Variants in PDE1A observed in about 807,000 individuals in gnomAD.
The protein encoded by PDE1A is dual specificity calcium/calmodulin-dependent 3',5'-cyclic nucleotide phosphodiesterase 1A.
In PDE1A, 35 loss-of-function variants were observed where a neutral mutation model predicts 61.7. The observed-to-expected ratio is 0.57, with a 90% confidence interval of 0.43 to 0.75. PDE1A has a LOEUF of 0.75. PDE1A is among the 30% of genes least tolerant of loss of function. The probability of loss-of-function intolerance (pLI) is 0.00; values close to 1 mark genes in which losing one functional copy is unlikely to be tolerated. For missense variants in PDE1A, 597 were observed against 630.6 expected (o/e 0.95, Z 0.57); for synonymous variants, 232 against 213.2 (o/e 1.09, Z -0.77).
rs148682054 is a variant in PDE1A at position 182,161,330 on chromosome 2, A to G, written c.1517-14178T>C. On this transcript the variant is annotated intron_variant, in intron 13 of 13. Transcript: ENST00000409365. ...TCAGCCTTTACTGGTATCTAGTGTT[A>G]AAGTGAGGACGTTGGTTGGGGAAAA... Among the ~76,000 whole-genome samples the G allele has an allele frequency of 1.6e-3, 245 of 152,208 alleles. 1 individual carries two copies. The highest frequency in any genetic ancestry group is 2.6e-3 in the Non-Finnish European group (178 of 67,998).
intron 7 of PDE1A, among the ~76,000 whole-genome samples, chr2:182,219,007 A>T (rs1247622914): frequency 6.6e-6 from 1 of 152,102 alleles, no homozygotes; most frequent in African/African-American, 2.4e-5. Flanking sequence ...GAGTGTTGAT[A>T]CCATCCCTGT....
the PDE1A span, among the ~76,000 whole-genome samples, chr2:182,651,933 A>G: frequency 6.6e-6 from 1 of 152,218 alleles, no homozygotes; most frequent in African/African-American, 2.4e-5. Context: ...TTTTACATCT[A>G]GCACTCCACT....
intron 1 of PDE1A, among the ~76,000 whole-genome samples, chr2:182,360,040 A>G (rs891269838): frequency 2.0e-5 from 3 of 152,070 alleles, no homozygotes; most frequent in African/African-American, 7.2e-5. Flanking sequence ...CTTTCTCCCA[A>G]TGATTATTCT....
At chr2:182,321,540 A>G (rs1222216357) in intron 1 of PDE1A, among the ~76,000 whole-genome samples, 1 of 152,150 alleles carries the variant, frequency 6.6e-6, no homozygotes, top group Non-Finnish European at 1.5e-5. Flanking sequence ...GTATCCTCCT[A>G]CTATATGGAT....
chr2:182,522,256 A>C (rs1337319881), intron 2 of PDE1A: 1 of 1,601,368 alleles, frequency 6.2e-7, no homozygotes, highest in Admixed American at 1.7e-5. Flanking sequence ...GGGGAAATAA[A>C]AAGCAAAGAG....
chr2:182,193,642 C>T (rs994260541), intron 10 of PDE1A, among the ~76,000 whole-genome samples: 4 of 152,048 alleles, frequency 2.6e-5, no homozygotes, highest in East Asian at 1.9e-4. Context: ...ATTCGAAGAA[C>T]GCCACGAAAA....
the PDE1A span, among the ~76,000 whole-genome samples, chr2:182,575,319 T>C: frequency 6.6e-6 from 1 of 152,044 alleles, no homozygotes. Context: ...AGGAGTACAC[T>C]GATTTCATAC....
At chr2:182,280,535 C>T (rs1163022176) in intron 1 of PDE1A, among the ~76,000 whole-genome samples, 2 of 152,008 alleles carry the variant, frequency 1.3e-5, no homozygotes, top group African/African-American at 4.8e-5. Context: ...GATAGTCTGA[C>T]AGAATATTCT....
chr2:182,483,475 A>T lies in PDE1A; in HGVS notation c.101+38801T>A, dbSNP rs547424977. Among the ~76,000 whole-genome samples the T allele has an allele frequency of 3.3e-5, 5 of 152,000 alleles. No individual in the cohort carries two copies. In the East Asian group the frequency reaches 9.7e-4, roughly 29 times the overall value. On this transcript the variant is annotated intron_variant, in intron 2 of 14. Coordinates refer to the PDE1A transcript ENST00000410103. ...GGTATTGTCCACAACCACAACAATA[A>T]TCAATTAGAAACTGACAACATAAAG...
exon 3 of PDE1A, chr2:182,240,186 T>C: frequency 6.2e-7 from 1 of 1,614,000 alleles, no homozygotes; most frequent in Admixed American, 1.7e-5. Flanking sequence ...TTCTTTTTTG[T>C]CATCCCCATT....
chr2:182,567,495 A>C, the PDE1A span, among the ~76,000 whole-genome samples: 1 of 152,192 alleles, frequency 6.6e-6, no homozygotes, highest in Non-Finnish European at 1.5e-5. Context: ...AATACCACCA[A>C]ATTGGGAAAC....
chr2:182,688,313 G>C, the PDE1A span, among the ~76,000 whole-genome samples: 1 of 152,182 alleles, frequency 6.6e-6, no homozygotes, highest in Non-Finnish European at 1.5e-5. Flanking sequence ...AAGCCCATCA[G>C]ACTAACAGCT....
At chr2:182,650,970 T>A in the PDE1A span, among the ~76,000 whole-genome samples, 19 of 151,848 alleles carry the variant, frequency 1.3e-4, no homozygotes, top group Non-Finnish European at 1.5e-4. Flanking sequence ...CCCTCTAGAG[T>A]CTTATTTGTG....
intron 1 of PDE1A, among the ~76,000 whole-genome samples, chr2:182,342,262 T>C (rs1698234346): frequency 6.6e-6 from 1 of 152,196 alleles, no homozygotes; most frequent in Non-Finnish European, 1.5e-5. Flanking sequence ...TTTGTTTTTA[T>C]ATAGTATTTT....
chr2:182,392,381 T>C (rs561766896), intron 1 of PDE1A, among the ~76,000 whole-genome samples: 32 of 152,076 alleles, frequency 2.1e-4, no homozygotes, highest in Non-Finnish European at 4.3e-4. Context: ...CATGATTCAA[T>C]TACCTCCCAC....
chr2:182,572,166 C>T, the PDE1A span, among the ~76,000 whole-genome samples: 1 of 152,022 alleles, frequency 6.6e-6, no homozygotes, highest in South Asian at 2.1e-4. Flanking sequence ...GAATGGAAGT[C>T]GGGAGAATGT....
intron 7 of PDE1A, among the ~76,000 whole-genome samples, chr2:182,222,076 A>C (rs1200362879): frequency 3.9e-5 from 6 of 152,020 alleles, no homozygotes; most frequent in Non-Finnish European, 8.8e-5. Flanking sequence ...TGAACTGACC[A>C]CACAAGAGCC....
chr2:182,633,531 A>C, the PDE1A span, among the ~76,000 whole-genome samples: 1 of 152,116 alleles, frequency 6.6e-6, no homozygotes, highest in Non-Finnish European at 1.5e-5. Flanking sequence ...CCTCTTATTA[A>C]AGGAAACCAT....
intron 1 of PDE1A, among the ~76,000 whole-genome samples, chr2:182,277,378 T>G (rs1485238866): frequency 6.6e-6 from 1 of 152,130 alleles, no homozygotes; most frequent in African/African-American, 2.4e-5. Flanking sequence ...GTTGAAATAT[T>G]GCGGGCGGGT....
Sources: gnomAD v4.1 joint callset for allele counts (sites outside exome capture counted in the v4.1 genomes callset) on GRCh38, gnomAD v4.1.1 for gene constraint, MANE v1.5 for transcripts, NCBI Gene and HGNC (gene_info 2026-07-23, HGNC 2026-07-21) for gene names.